The following ASPH variants were observed in gnomAD, a reference collection of about 807,000 sequenced individuals.
ASPH encodes aspartyl/asparaginyl beta-hydroxylase.
In ASPH, 100 loss-of-function variants were observed where a neutral mutation model predicts 118.4. The observed-to-expected ratio is 0.84, with a 90% CI of 0.72 to 1.00. The LOEUF is 1.00. Among genes scored for constraint, ASPH ranks in the 50% least tolerant of loss-of-function variants. ASPH has a pLI of 0.00. For missense variants in ASPH, 920 were observed against 919.5 expected, an observed-to-expected ratio of 1.00 and a Z score of -0.01; for synonymous variants, 315 against 325.6, an observed-to-expected ratio of 0.97 and a Z score of 0.35.
chr8:61,624,491 G>C (rs964782240), intron 13 of ASPH: 3 of 967,176 alleles, frequency 3.1e-6, no homozygotes, highest in African/African-American at 1.8e-5. Flanking sequence ...ATTTTATTAT[G>C]TAACAAATTA....
Position 61,713,877 on chromosome 8 carries a change from T to C in ASPH, c.103+392A>G, listed in dbSNP as rs183230910. ...CTGCTGGTTAGGCAGGAACTCACTT[T>C]CCCTGACTTTGGCTCATTTTCAACT... On this transcript the variant is annotated intron_variant, in intron 1 of 24. Transcript: ENST00000379454. Among the ~76,000 whole-genome samples the C allele has an allele frequency of 7.9e-3, 1,196 of 152,328 alleles. 13 individuals carry two copies. Among genetic ancestry groups the C allele is most frequent in the African/African-American group, 0.028 (1,147 of 41,566 alleles).
At chr8:61,653,515 C>T (rs1046452604) in intron 4 of ASPH, 53 bp downstream of exon 4, 1 of 1,549,504 alleles carries the variant, frequency 6.5e-7, no homozygotes, top group African/African-American at 1.4e-5. Flanking sequence ...AATGCGGATA[C>T]CTGTCAGGCT....
At chr8:61,689,323 TAA>T in intron 1 of ASPH, among the ~76,000 whole-genome samples, 1 of 152,238 alleles carries the variant, frequency 6.6e-6, no homozygotes, top group South Asian at 2.1e-4. Context: ...TAATTTTATA[TAA>T]AATCTAAATA....
At chr8:61,524,003 G>T (rs1355657318) in intron 22 of ASPH, among the ~76,000 whole-genome samples, 2 of 152,140 alleles carry the variant, frequency 1.3e-5, no homozygotes, top group Non-Finnish European at 2.9e-5. Context: ...AATTGCTTGA[G>T]GCCAGGAGTT....
At chr8:61,509,461 T>A (rs1807965335) in intron 24 of ASPH, among the ~76,000 whole-genome samples, 1 of 152,026 alleles carries the variant, frequency 6.6e-6, no homozygotes, top group South Asian at 2.1e-4. Context: ...CTGGTGGGAG[T>A]GTAGCAGTGA....
At position 61,503,102 on chromosome 8, in the gene ASPH, C is replaced by T. The variant is rs139456482; in HGVS notation, c.*257G>A. The T allele has an allele frequency of 3.0e-6, 1 of 333,398 alleles. No individual in the cohort carries two copies. The highest frequency in any genetic ancestry group is 2.1e-5 in the African/African-American group (1 of 47,346). The allele number at this position is 333,398 out of a possible 1,614,324, so 20.7% of individuals were successfully genotyped here. ...CTTTGGCTGGTAAGGTAGAAGCTAT[C>T]AAATGTTCACCTTAAATACTGGCAG... On this transcript the variant is annotated 3_prime_UTR_variant, in exon 25 of 25. Coordinates refer to ENST00000379454, the MANE Select transcript of ASPH (RefSeq NM_004318.4).
chr8:61,677,886 T>C (rs1209103764), intron 3 of ASPH, among the ~76,000 whole-genome samples: 1 of 152,174 alleles, frequency 6.6e-6, no homozygotes, highest in Non-Finnish European at 1.5e-5. Flanking sequence ...GATGACCATA[T>C]GCAACGAATA....
At chr8:61,643,244 T>G (rs768194302) in intron 9 of ASPH, 142 bp downstream of exon 9, 35 of 788,770 alleles carry the variant, frequency 4.4e-5, no homozygotes, top group Non-Finnish European at 6.3e-5. Flanking sequence ...AGTCTAACTT[T>G]GTTATAAAAC....
chr8:61,553,096 C>G lies in ASPH; in HGVS notation c.1561G>C (p.Gly521Arg). ...AAATAAAATCTCCCATCATCAGTGCCAGGATCTCCGGATTCTATTCCTTCC... is the reference window on the plus strand; with the variant it reads ...AAATAAAATCTCCCATCATCAGTGCGAGGATCTCCGGATTCTATTCCTTCC... Reference protein sequence around the residue: ...LKEGIESGDPGTDDGRFYFHL... With the variant: ...LKEGIESGDPRTDDGRFYFHL... The change falls in exon 20 of 25, where the codon GGC (glycine) becomes CGC (arginine). Residue 521 changes from glycine to arginine, a missense_variant. Transcript: ENST00000379454. 1.2e-6 allele frequency: 2 copies of G among 1,613,668 alleles called. No individual in the cohort carries two copies. The highest frequency in any genetic ancestry group is 1.7e-6 in the Non-Finnish European group (2 of 1,179,652).
intron 3 of ASPH, among the ~76,000 whole-genome samples, chr8:61,678,185 G>A (rs1826294348): frequency 6.6e-6 from 1 of 152,092 alleles, no homozygotes; most frequent in African/African-American, 2.4e-5. Context: ...TACGATGCCA[G>A]CTAGGTGCTA....
chr8:61,625,595 CATTT>C, intron 13 of ASPH: 1 of 983,484 alleles, frequency 1.0e-6, no homozygotes, highest in Non-Finnish European at 1.2e-6. Flanking sequence ...TTTCCCCTCT[CATTT>C]AAAAAAATAA....
intron 21 of ASPH, among the ~76,000 whole-genome samples, chr8:61,530,375 A>G (rs1399825914): frequency 6.6e-6 from 1 of 152,202 alleles, no homozygotes; most frequent in African/African-American, 2.4e-5. Context: ...AAGCCATCTC[A>G]GCATGTGCCT....
At chr8:61,675,830 T>C (rs1046685956) in intron 3 of ASPH, 4 of 1,298,236 alleles carry the variant, frequency 3.1e-6, no homozygotes, top group Non-Finnish European at 2.9e-6. Flanking sequence ...AGAACATCAT[T>C]TTCAGTGTAC....
At chr8:61,698,368 G>A (rs1434498245) in intron 1 of ASPH, among the ~76,000 whole-genome samples, 2 of 152,192 alleles carry the variant, frequency 1.3e-5, no homozygotes, top group South Asian at 2.1e-4. Flanking sequence ...GTTACGTTAC[G>A]ATTTACTACA....
At chr8:61,638,042 C>A (rs1175225116) in intron 11 of ASPH, 39 bp from the exon 12 acceptor site, 1 of 1,564,688 alleles carries the variant, frequency 6.4e-7, no homozygotes, top group Admixed American at 1.8e-5. Flanking sequence ...TTACATGTTG[C>A]TGACCAGTGA....
intron 3 of ASPH, chr8:61,668,255 T>G (rs1820679164): frequency 6.2e-7 from 1 of 1,610,626 alleles, no homozygotes. Flanking sequence ...GTTTTTCTCT[T>G]GGCTACCCCA....
At chr8:61,676,439 C>A in intron 3 of ASPH, 1 of 901,644 alleles carries the variant, frequency 1.1e-6, no homozygotes, top group Admixed American at 2.9e-5. Flanking sequence ...TTTACAGAAA[C>A]GGTATTTGGA....
At chr8:61,649,792 C>A (rs1809965872) in intron 5 of ASPH, among the ~76,000 whole-genome samples, 1 of 152,116 alleles carries the variant, frequency 6.6e-6, no homozygotes, top group African/African-American at 2.4e-5. Context: ...CTCTTGCATC[C>A]CCCCATGCAT....
intron 4 of ASPH, 59 bp downstream of exon 4, chr8:61,653,509 C>T (rs949114016): frequency 9.9e-6 from 15 of 1,511,312 alleles, no homozygotes; most frequent in Middle Eastern, 1.8e-4. Context: ...TCTGTAAATG[C>T]GGATACCTGT....
Sources: allele counts gnomAD v4.1 joint callset (sites outside exome capture counted in the v4.1 genomes callset), GRCh38; gene constraint gnomAD v4.1.1; transcripts MANE v1.5; gene names NCBI Gene and HGNC (gene_info 2026-07-23, HGNC 2026-07-21).